SAMD12: variants seen among roughly 807,000 people sequenced by gnomAD.
SAMD12 encodes sterile alpha motif domain-containing protein 12.
Under a neutral mutation model 15.0 loss-of-function variants are expected in SAMD12, and 9 were observed. The observed-to-expected ratio is 0.60, with a 90% CI of 0.36 to 1.05. The LOEUF (loss-of-function observed/expected upper bound fraction) is 1.05, where lower values mean the gene tolerates loss of function less well. Among genes scored for constraint, SAMD12 ranks in the 50% least tolerant of loss-of-function variants. The pLI, the probability that SAMD12 is intolerant of heterozygous loss-of-function variation, is 0.01. For synonymous variants in SAMD12, 86 were observed against 90.1 expected (o/e 0.96, Z 0.25); for missense variants, 230 against 234.2 (o/e 0.98, Z 0.12).
chr8:118,275,377 G>A (rs1412038146), intron 4 of SAMD12, among the ~76,000 whole-genome samples: 1 of 152,048 alleles, frequency 6.6e-6, no homozygotes, highest in Non-Finnish European at 1.5e-5. Flanking sequence ...TGAATAATAG[G>A]TAATTTTATT....
At chr8:118,556,804 G>T (rs199973312) in intron 2 of SAMD12, among the ~76,000 whole-genome samples, 1 of 151,714 alleles carries the variant, frequency 6.6e-6, no homozygotes, top group African/African-American at 2.4e-5. Context: ...CTCTACTAAA[G>T]ATACAAAAAA....
chr8:118,573,963 C>G (rs1161122639), intron 2 of SAMD12, among the ~76,000 whole-genome samples: 1 of 152,148 alleles, frequency 6.6e-6, no homozygotes, highest in Admixed American at 6.5e-5. Flanking sequence ...TGTGGAGAGA[C>G]AGAAAACAAA....
chr8:118,521,587 G>C lies in SAMD12; in HGVS notation c.192+59128C>G, dbSNP rs541995946. Among the ~76,000 whole-genome samples, 68 of 152,296 alleles carry C rather than the reference G, an allele frequency of 4.5e-4. 1 individual carries two copies. The South Asian group carries it at 0.012, about 26-fold the overall frequency. ...TTGATAGTGTTATACTCGCAGATAT[G>C]CACATGTATGGCTGAAGTGACTGAT... On this transcript the variant is annotated intron_variant, in intron 2 of 3. Coordinates refer to ENST00000314727, the MANE Select transcript of SAMD12 (RefSeq NM_207506.3).
chr8:118,252,947 T>C (rs1269619723), intron 4 of SAMD12, among the ~76,000 whole-genome samples: 3 of 152,140 alleles, frequency 2.0e-5, no homozygotes, highest in Non-Finnish European at 4.4e-5. Context: ...GGCAGTGAGA[T>C]GAGTGGAGTG....
intron 1 of SAMD12, among the ~76,000 whole-genome samples, chr8:118,603,491 C>G (rs1827912524): frequency 6.6e-6 from 1 of 152,152 alleles, no homozygotes; most frequent in Non-Finnish European, 1.5e-5. Context: ...GGGAAAGATA[C>G]TTTCCAACTT....
At chr8:118,591,012 G>C (rs905724722) in intron 1 of SAMD12, among the ~76,000 whole-genome samples, 16 of 152,164 alleles carry the variant, frequency 1.1e-4, no homozygotes, top group Admixed American at 2.0e-4. Flanking sequence ...AGCTCAGGTG[G>C]ATAGGCTCAA....
chr8:118,231,628 A>T (rs1812311437), intron 4 of SAMD12, among the ~76,000 whole-genome samples: 1 of 152,146 alleles, frequency 6.6e-6, no homozygotes, highest in Admixed American at 6.5e-5. Context: ...TTATGCCCTA[A>T]GTTTTTTAAA....
At chr8:118,575,134 C>A (rs1827114803) in intron 2 of SAMD12, among the ~76,000 whole-genome samples, 1 of 152,192 alleles carries the variant, frequency 6.6e-6, no homozygotes, top group South Asian at 2.1e-4. Flanking sequence ...AAGCACCCAG[C>A]TTTCTCCTCC....
chr8:118,534,772 G>A (rs1365776597), intron 2 of SAMD12, among the ~76,000 whole-genome samples: 6 of 152,164 alleles, frequency 3.9e-5, no homozygotes, highest in African/African-American at 7.2e-5. Flanking sequence ...TGTAGTTCTC[G>A]TGCCATGGTT....
At chr8:118,193,212 T>C (rs749048759) in exon 5 of SAMD12, 1 of 152,246 alleles carries the variant, frequency 6.6e-6, no homozygotes, top group Non-Finnish European at 1.5e-5. Flanking sequence ...TTTCCCCAAA[T>C]GAGAAGCATC....
chr8:118,537,525 G>A (rs563212419), intron 2 of SAMD12, among the ~76,000 whole-genome samples: 3 of 152,036 alleles, frequency 2.0e-5, no homozygotes, highest in Non-Finnish European at 4.4e-5. Flanking sequence ...GCAGGCTCAC[G>A]AATTCTTTCT....
chr8:118,468,344 C>G (rs1461558850), intron 2 of SAMD12, among the ~76,000 whole-genome samples: 1 of 152,042 alleles, frequency 6.6e-6, no homozygotes, highest in Admixed American at 6.6e-5. Context: ...AGTTTTCTTA[C>G]GTTCACAAAA....
chr8:118,287,416 C>T (rs1778201901), intron 4 of SAMD12, among the ~76,000 whole-genome samples: 1 of 152,062 alleles, frequency 6.6e-6, no homozygotes, highest in Non-Finnish European at 1.5e-5. Context: ...TGAGCCACCG[C>T]GCCCGGCCAG....
downstream of SAMD12, among the ~76,000 whole-genome samples, chr8:118,373,062 T>C (rs142681844): frequency 6.6e-6 from 1 of 152,308 alleles, no homozygotes; most frequent in African/African-American, 2.4e-5. Context: ...AGAAATTTTC[T>C]ATCTTGATTG....
At chr8:118,433,122 G>C (rs1484777436) in intron 3 of SAMD12, among the ~76,000 whole-genome samples, 1 of 152,114 alleles carries the variant, frequency 6.6e-6, no homozygotes, top group African/African-American at 2.4e-5. Flanking sequence ...CCTGACTAAC[G>C]CTCTTGGCCT....
intron 4 of SAMD12, among the ~76,000 whole-genome samples, chr8:118,335,237 T>C (rs1817002118): frequency 6.6e-6 from 1 of 152,196 alleles, no homozygotes; most frequent in Non-Finnish European, 1.5e-5. Flanking sequence ...ATGCTCCCAA[T>C]GTGGCTCATC....
At chr8:118,417,711 T>C (rs576999328) in intron 3 of SAMD12, among the ~76,000 whole-genome samples, 1 of 152,140 alleles carries the variant, frequency 6.6e-6, no homozygotes, top group African/African-American at 2.4e-5. Flanking sequence ...ACAGAACACA[T>C]GCAATGGAAA....
the SAMD12 span, among the ~76,000 whole-genome samples, chr8:118,157,229 G>T: frequency 6.6e-6 from 1 of 152,178 alleles, no homozygotes; most frequent in African/African-American, 2.4e-5. Context: ...GAAGTACATG[G>T]CTTTGGACCA....
intron 2 of SAMD12, among the ~76,000 whole-genome samples, chr8:118,543,631 C>CTTTTTTTTTTTTTTTTTTTTTTTTTTTTT (rs397978436): frequency 8.6e-6 from 1 of 116,634 alleles, no homozygotes; most frequent in African/African-American, 3.6e-5. Context: ...TTCTTTCTTT[C>CTTTTTTTTTTTTTTTTTTTTTTTTTTTTT]TTTTTTTTTT....
Sources: gnomAD v4.1 joint callset for allele counts (sites outside exome capture counted in the v4.1 genomes callset) on GRCh38, gnomAD v4.1.1 for gene constraint, MANE v1.5 for transcripts, NCBI Gene and HGNC (gene_info 2026-07-23, HGNC 2026-07-21) for gene names.